Variants in WNK1 observed in about 807,000 individuals in gnomAD.
WNK1 encodes the protein serine/threonine-protein kinase WNK1.
WNK1 carries 38 observed loss-of-function variants against 222.8 expected under a neutral mutation model. That is an observed-to-expected ratio of 0.17 (90% confidence interval 0.13 to 0.22). The LOEUF (loss-of-function observed/expected upper bound fraction) is 0.22. Among genes scored for constraint, WNK1 ranks in the 10% least tolerant of loss-of-function variants. The pLI is 1.00. For missense variants in WNK1, 2,348 were observed against 2,918.4 expected (o/e 0.80, Z 4.50); for synonymous variants, 1,090 against 1,092.9 (o/e 1.00, Z 0.05).
intron 1 of WNK1, among the ~76,000 whole-genome samples, chr12:809,280 T>C (rs1946690169): frequency 6.7e-6 from 1 of 148,718 alleles, no homozygotes; most frequent in Admixed American, 6.7e-5. Flanking sequence ...ACTGGTGCTA[T>C]TTCAGAATGA....
At position 834,890 on chromosome 12, in the gene WNK1, G is replaced by C. The variant is rs150218901; in HGVS notation, c.1311+4730G>C. 9.6e-4 allele frequency among the ~76,000 whole-genome samples: 146 copies of C among 152,212 alleles called. 2 individuals carry two copies. The highest frequency in any genetic ancestry group is 7.9e-3 in the South Asian group (38 of 4,816). On this transcript the variant is annotated intron_variant, in intron 4 of 27. Coordinates refer to ENST00000315939, the MANE Select transcript of WNK1 (RefSeq NM_018979.4). ...AATAATAATTGTGAAGCAGCACCAG[G>C]CATCCAGAATCTTCCTTTTTAGTAT...
chr12:887,543 A>G (rs1258262367), intron 20 of WNK1, among the ~76,000 whole-genome samples: 1 of 151,852 alleles, frequency 6.6e-6, no homozygotes, highest in Non-Finnish European at 1.5e-5. Context: ...TTTTTTTTAT[A>G]TCTTATGAAG....
chr12:873,927 T>C (rs1281445820), intron 9 of WNK1, among the ~76,000 whole-genome samples: 1 of 152,016 alleles, frequency 6.6e-6, no homozygotes, highest in Non-Finnish European at 1.5e-5. Context: ...TGTGTTTTTG[T>C]AGGGTCTCGT....
chr12:802,238 T>C (rs1945951944), intron 1 of WNK1, among the ~76,000 whole-genome samples: 9 of 152,206 alleles, frequency 5.9e-5, no homozygotes, highest in Admixed American at 5.9e-4. Context: ...GTTACGAGGA[T>C]GCTAAAATAG....
At chr12:777,606 A>G (rs1183723984) in intron 1 of WNK1, among the ~76,000 whole-genome samples, 1 of 152,236 alleles carries the variant, frequency 6.6e-6, no homozygotes, top group Non-Finnish European at 1.5e-5. Flanking sequence ...ATGGAACATA[A>G]TTCAGCTATG....
intron 25 of WNK1, among the ~76,000 whole-genome samples, chr12:899,807 A>T (rs193193469): frequency 1.3e-5 from 2 of 152,144 alleles, no homozygotes; most frequent in East Asian, 3.9e-4. Flanking sequence ...CTAAGCAGAG[A>T]CTGCCTAGCA....
In WNK1 at chr12:879,589, C is replaced by CAGTACCAACTATCCA; in HGVS notation, c.2393_2407dup (p.Val798_Gln802dup). 6.2e-7 allele frequency: 1 copy of CAGTACCAACTATCCA among 1,606,140 alleles called. No homozygotes were observed. Among genetic ancestry groups the CAGTACCAACTATCCA allele is most frequent in the East Asian group, 2.2e-5 (1 of 44,464 alleles). On this transcript the variant is annotated inframe_insertion, in exon 11 of 28. Coordinates refer to ENST00000315939, the MANE Select transcript of WNK1 (RefSeq NM_018979.4). ...CCTTCCCAGCTTCCAGTTTCCCAGC[C>CAGTACCAACTATCCA]AGTACCAACTATCCAAGGCGAACCT...
intron 12 of WNK1, 29 bp from the exon 13 acceptor site, chr12:881,663 G>A (rs1205154709): frequency 2.6e-6 from 4 of 1,558,772 alleles, no homozygotes; most frequent in East Asian, 2.2e-5. Flanking sequence ...TATTACTACC[G>A]AGATTTGAGT....
chr12:890,420 G>C (rs1954108205), intron 21 of WNK1, 33 bp from the exon 22 acceptor site: 1 of 1,613,858 alleles, frequency 6.2e-7, no homozygotes, highest in South Asian at 1.1e-5. Flanking sequence ...TGAAGCTAAA[G>C]ATTTGTGGTG....
At chr12:849,015 C>G (rs1347540791) in intron 4 of WNK1, among the ~76,000 whole-genome samples, 1 of 152,058 alleles carries the variant, frequency 6.6e-6, no homozygotes, top group Non-Finnish European at 1.5e-5. Flanking sequence ...CACTTGTTTT[C>G]TAGCTCTTTC....
At chr12:847,356 C>G (rs1286417812) in intron 4 of WNK1, among the ~76,000 whole-genome samples, 2 of 152,064 alleles carry the variant, frequency 1.3e-5, no homozygotes, top group Admixed American at 1.3e-4. Flanking sequence ...TTGCTACTTT[C>G]TCTAATGGAT....
At chr12:808,917 C>A (rs1388547411) in intron 1 of WNK1, among the ~76,000 whole-genome samples, 1 of 151,998 alleles carries the variant, frequency 6.6e-6, no homozygotes, top group Admixed American at 6.6e-5. Context: ...GCGCCTGCCA[C>A]CACGCCCGGC....
chr12:845,832 C>G (rs572641847), intron 4 of WNK1, among the ~76,000 whole-genome samples: 1 of 152,286 alleles, frequency 6.6e-6, no homozygotes, highest in African/African-American at 2.4e-5. Flanking sequence ...TCCTAAGTGT[C>G]ACATAAAATC....
chr12:848,397 T>C (rs1950177315), intron 4 of WNK1, among the ~76,000 whole-genome samples: 1 of 151,952 alleles, frequency 6.6e-6, no homozygotes, highest in African/African-American at 2.4e-5. Flanking sequence ...TAAACTGGTC[T>C]AGGCTTAAAG....
intron 19 of WNK1, among the ~76,000 whole-genome samples, chr12:886,793 G>C (rs956678427): frequency 5.9e-5 from 9 of 152,270 alleles, no homozygotes; most frequent in African/African-American, 1.9e-4. Flanking sequence ...TTAGATTTCT[G>C]ATGCCTTTTG....
At chr12:769,080 T>C (rs1458420284) in intron 1 of WNK1, among the ~76,000 whole-genome samples, 1 of 152,164 alleles carries the variant, frequency 6.6e-6, no homozygotes, top group Non-Finnish European at 1.5e-5. Context: ...ACTGCTGGGA[T>C]TGTAGGCGTG....
At chr12:877,611 A>G (rs1303452786) in intron 9 of WNK1, among the ~76,000 whole-genome samples, 1 of 152,184 alleles carries the variant, frequency 6.6e-6, no homozygotes, top group East Asian at 1.9e-4. Context: ...CTTGTTTCAA[A>G]AAGAGAAACT....
intron 1 of WNK1, among the ~76,000 whole-genome samples, chr12:767,575 A>G (rs535055864): frequency 6.6e-6 from 1 of 151,844 alleles, no homozygotes; most frequent in Non-Finnish European, 1.5e-5. Flanking sequence ...TTTCAGCCTT[A>G]CCTACACATG....
In WNK1 at chr12:885,668, C is replaced by T. The variant is rs1346287016; in HGVS notation, c.4864C>T (p.Pro1622Ser). Residue 1622 changes from proline to serine, a missense_variant, in exon 19 of 28, where the codon CCT becomes TCT. Coordinates refer to ENST00000315939, the MANE Select transcript of WNK1 (RefSeq NM_018979.4). ...AVQQTLIHSQ[P>S]QPALLPNQPH... is the part of the protein sequence containing the mutation. Reference sequence around the variant, plus strand: ...ACAGCAGACACTAATTCATAGTCAGCCTCAACCAGCTTTGCTTCCCAACCA... The same window carrying T: ...ACAGCAGACACTAATTCATAGTCAGTCTCAACCAGCTTTGCTTCCCAACCA... The T allele has an allele frequency of 6.2e-7, 1 of 1,614,148 alleles. No individual in the cohort carries two copies. Among genetic ancestry groups the T allele is most frequent in the Admixed American group, 1.7e-5 (1 of 60,022 alleles).
Sources: allele counts gnomAD v4.1 joint callset (sites outside exome capture counted in the v4.1 genomes callset), GRCh38; gene constraint gnomAD v4.1.1; transcripts MANE v1.5; gene names NCBI Gene and HGNC (gene_info 2026-07-23, HGNC 2026-07-21).